CFAP96: variants seen among roughly 807,000 people sequenced by gnomAD.
CFAP96 encodes cilia and flagella associated protein 96.
chr4:185,441,107 T>C, the CFAP96 span, among the ~76,000 whole-genome samples: 1 of 152,028 alleles, frequency 6.6e-6, no homozygotes, highest in East Asian at 1.9e-4. Flanking sequence ...TGTGCTACCA[T>C]GCCTGGTGAA....
the CFAP96 span, chr4:185,425,923 C>G: frequency 4.5e-6 from 7 of 1,567,532 alleles, 1 homozygote; most frequent in Non-Finnish European, 5.2e-6. Flanking sequence ...GTTCCGGGGG[C>G]CGGCCCTGAA....
the CFAP96 span, chr4:185,429,553 T>C: frequency 9.4e-7 from 1 of 1,060,778 alleles, no homozygotes; most frequent in East Asian, 2.9e-5. Flanking sequence ...TAGTGGGTAT[T>C]TTCTATATAA....
the CFAP96 span, among the ~76,000 whole-genome samples, chr4:185,433,413 AG>A: frequency 7.9e-3 from 54 of 6,812 alleles, 2 homozygotes; most frequent in East Asian, 0.045. Flanking sequence ...AAAAAAAAAA[AG>A]AAAAGAAAAG....
At chr4:185,426,817 C>T in the CFAP96 span, among the ~76,000 whole-genome samples, 2 of 147,416 alleles carry the variant, frequency 1.4e-5, no homozygotes, top group East Asian at 2.0e-4. Context: ...GCATCACCTG[C>T]GCTCACGAGT....
chr4:185,418,307 A>G, the CFAP96 span: 1 of 637,632 alleles, frequency 1.6e-6, no homozygotes, highest in African/African-American at 1.8e-5. Flanking sequence ...AACTTTTGGC[A>G]AGTCATTTAA....
At chr4:185,408,954 C>T in the CFAP96 span, among the ~76,000 whole-genome samples, 1 of 152,102 alleles carries the variant, frequency 6.6e-6, no homozygotes, top group Non-Finnish European at 1.5e-5. Flanking sequence ...TATATCATGA[C>T]TTGATATACT....
At chr4:185,413,807 G>A in the CFAP96 span, 1 of 1,613,390 alleles carries the variant, frequency 6.2e-7, no homozygotes, top group Non-Finnish European at 8.5e-7. Flanking sequence ...CATCTGGAAA[G>A]TGATAAGCAT....
At chr4:185,419,307 T>C in the CFAP96 span, among the ~76,000 whole-genome samples, 47 of 152,234 alleles carry the variant, frequency 3.1e-4, no homozygotes, top group Admixed American at 5.2e-4. Flanking sequence ...AATTTTTGTA[T>C]TTTTAGTAGA....
At chr4:185,443,732 G>A in the CFAP96 span, among the ~76,000 whole-genome samples, 1 of 151,684 alleles carries the variant, frequency 6.6e-6, no homozygotes, top group Non-Finnish European at 1.5e-5. Flanking sequence ...ATTTAGCTAT[G>A]AACTTATTTT....
chr4:185,425,824 CG>C, the CFAP96 span: 3 of 1,595,928 alleles, frequency 1.9e-6, no homozygotes, highest in Non-Finnish European at 2.6e-6. Flanking sequence ...TGCCAAAGTC[CG>C]GGGAAAAACA....
the CFAP96 span, among the ~76,000 whole-genome samples, chr4:185,424,328 C>T: frequency 1.3e-5 from 2 of 151,954 alleles, no homozygotes; most frequent in African/African-American, 2.4e-5. Flanking sequence ...TAAAATAAAA[C>T]AAAAACATGT....
At chr4:185,419,303 TG>T in the CFAP96 span, among the ~76,000 whole-genome samples, 1 of 152,180 alleles carries the variant, frequency 6.6e-6, no homozygotes, top group African/African-American at 2.4e-5. Flanking sequence ...GGCTAATTTT[TG>T]TATTTTTAGT....
the CFAP96 span, among the ~76,000 whole-genome samples, chr4:185,414,297 G>C: frequency 6.6e-6 from 1 of 152,122 alleles, no homozygotes; most frequent in Non-Finnish European, 1.5e-5. Context: ...ATTTTATATT[G>C]TAAGTGGTAG....
chr4:185,416,747 A>G, the CFAP96 span, among the ~76,000 whole-genome samples: 1 of 152,250 alleles, frequency 6.6e-6, no homozygotes, highest in African/African-American at 2.4e-5. Context: ...AATGTTAGAA[A>G]GGCACTGGAG....
chr4:185,438,703 G>T, the CFAP96 span, among the ~76,000 whole-genome samples: 23,049 of 152,134 alleles, frequency 0.15, 2,904 homozygotes, highest in African/African-American at 0.34. Flanking sequence ...TTTCTGGAGT[G>T]CTGTCACATT....
chr4:185,415,697 T>C, the CFAP96 span: 5 of 1,602,602 alleles, frequency 3.1e-6, no homozygotes, highest in Non-Finnish European at 4.3e-6. Context: ...AGTGGTACTA[T>C]AAAAATACTT....
chr4:185,445,470 C>T, the CFAP96 span: 45 of 1,501,024 alleles, frequency 3.0e-5, no homozygotes, highest in Non-Finnish European at 3.8e-5. Flanking sequence ...GGCTATTTCT[C>T]GAAGGGAGTT....
the CFAP96 span, among the ~76,000 whole-genome samples, chr4:185,414,489 C>G: frequency 6.6e-6 from 1 of 152,158 alleles, no homozygotes; most frequent in Non-Finnish European, 1.5e-5. Context: ...AAAAGATCAG[C>G]TCCTGTAGCT....
At chr4:185,439,300 T>C in the CFAP96 span, among the ~76,000 whole-genome samples, 2 of 152,056 alleles carry the variant, frequency 1.3e-5, no homozygotes, top group Non-Finnish European at 2.9e-5. Context: ...ATTGTTGTGA[T>C]ATGGAAGGGT....
Sources: gnomAD v4.1 joint callset for allele counts (sites outside exome capture counted in the v4.1 genomes callset) on GRCh38, gnomAD v4.1.1 for gene constraint, MANE v1.5 for transcripts, NCBI Gene and HGNC (gene_info 2026-07-23, HGNC 2026-07-21) for gene names.